The following ARAP1 variants were observed in gnomAD, a reference collection of about 807,000 sequenced individuals.
ARAP1 encodes arf-GAP with Rho-GAP domain, ANK repeat and PH domain-containing protein 1.
In ARAP1, 76 loss-of-function variants were observed where a neutral mutation model predicts 172.2. The ratio of observed to expected loss-of-function variants is 0.44; its 90% CI spans 0.37 to 0.53. ARAP1 has a LOEUF of 0.53. Ranked by LOEUF, ARAP1 falls within the 20% of genes least tolerant of loss-of-function variation. The pLI is 0.00. For missense variants in ARAP1, 1,686 were observed against 1,977.5 expected, an observed-to-expected ratio of 0.85 and a Z score of 2.80; for synonymous variants, 804 against 803.3, an observed-to-expected ratio of 1.00 and a Z score of -0.01.
intron 11 of ARAP1, among the ~76,000 whole-genome samples, chr11:72,709,565 C>T (rs531133578): frequency 1.6e-4 from 25 of 152,068 alleles, no homozygotes; most frequent in African/African-American, 5.6e-4. Context: ...CCAGGGGTGG[C>T]GTAGGCGCAG....
Position 72,697,636 on chromosome 11 carries a change from G to C in ARAP1, c.2751C>G (p.Asp917Glu). Reference sequence around the variant, plus strand: ...CCAGCACCAGCACCTGGTTCTCACTGTCCCCCTGGATGGCTGTGGAGGGGT... The same window carrying C: ...CCAGCACCAGCACCTGGTTCTCACTCTCCCCCTGGATGGCTGTGGAGGGGT... ...RKLQELSIQG[D>E]SENQVLVLVE... Residue 917 changes from aspartate to glutamate, a missense_variant, in exon 20 of 35, where the codon GAC (aspartate) becomes GAG (glutamate). Transcript: ENST00000393609. The C allele has an allele frequency of 6.2e-7, 1 of 1,614,116 alleles. No homozygotes were observed.
intron 30 of ARAP1, among the ~76,000 whole-genome samples, chr11:72,692,142 C>A (rs1224056673): frequency 6.6e-6 from 1 of 152,138 alleles, no homozygotes; most frequent in Admixed American, 6.5e-5. Flanking sequence ...ATGGGGGCAT[C>A]ATGAGATGCA....
At position 72,710,408 on chromosome 11, in the gene ARAP1, C is replaced by T. The variant is rs779841284; in HGVS notation, c.1393G>A (p.Val465Met). 1.2e-6 allele frequency: 2 copies of T among 1,614,022 alleles called. No individual in the cohort carries two copies. Among genetic ancestry groups the T allele is most frequent in the Non-Finnish European group, 8.5e-7 (1 of 1,179,964 alleles). Residue 465 changes from valine to methionine, a missense_variant, in exon 10 of 35, where the codon GTG (valine) becomes ATG (methionine). Val to Met is a conservative substitution (Grantham distance 21, BLOSUM62 1). Transcript: ENST00000393609. The surrounding 1 kb of genome is among the most constrained non-coding windows in gnomAD (Gnocchi z 4.3). ...ACCTCTAGATTCTTGTAGAGCTGCA[C>T]TTTGTCCCCGACCACGGCCACGTAC... is the stretch of plus-strand genomic sequence containing the variant. ...KLYVAVVGDK[V>M]QLYKNLEEYH...
At chr11:72,705,571 T>TC (rs1856719739) in intron 13 of ARAP1, 1 of 489,690 alleles carries the variant, frequency 2.0e-6, no homozygotes, top group South Asian at 3.6e-5. Context: ...CCTTTTTTTT[T>TC]CTTTAAAAAA....
chr11:72,722,696 C>T (rs1412751154), intron 3 of ARAP1, among the ~76,000 whole-genome samples: 1 of 152,212 alleles, frequency 6.6e-6, no homozygotes, highest in East Asian at 1.9e-4. Flanking sequence ...GGGCAGCTGC[C>T]TTCTGGGCAC....
At position 72,729,450 on chromosome 11, in the gene ARAP1, G is replaced by A. The variant is rs191451190; in HGVS notation, c.-44-2278C>T. Among the ~76,000 whole-genome samples, 49 of 152,058 alleles carry A rather than the reference G, an allele frequency of 3.2e-4. No homozygotes were observed. In the East Asian group the frequency reaches 6.4e-3, roughly 20 times the overall value. ...CTACTAAAAATACAAAAAATTAGCCGGGCATGGTGGCAAGCACCTGTAATC... is the reference window on the plus strand; with the variant it reads ...CTACTAAAAATACAAAAAATTAGCCAGGCATGGTGGCAAGCACCTGTAATC... On this transcript the variant is annotated intron_variant, in intron 2 of 34. Coordinates refer to ENST00000393609, the MANE Select transcript of ARAP1 (RefSeq NM_001040118.3).
At position 72,697,914 on chromosome 11, in the gene ARAP1, G is replaced by T; in HGVS notation, c.2734C>A (p.Leu912Ile). 1 of 1,598,856 alleles carries T rather than the reference G, an allele frequency of 6.3e-7. No individual in the cohort carries two copies. Among genetic ancestry groups the T allele is most frequent in the Non-Finnish European group, 8.5e-7 (1 of 1,171,428 alleles). Residue 912 changes from leucine (L) to isoleucine (I), a missense_variant, in exon 19 of 35, where the codon CTT becomes ATT. By Grantham distance (5) the Leu-to-Ile change is conservative (BLOSUM62 2). Coordinates refer to ENST00000393609, the MANE Select transcript of ARAP1 (RefSeq NM_001040118.3). ...GGCCCAGGTCTGGTCCACGCACAAAGCTCCTGCAGTTTCCGTAGTTGCAGC... is the reference window on the plus strand; with the variant it reads ...GGCCCAGGTCTGGTCCACGCACAAATCTCCTGCAGTTTCCGTAGTTGCAGC... Reference protein sequence around the residue: ...EPLQLRKLQELSIQGDSENQV... With the variant: ...EPLQLRKLQEISIQGDSENQV...
At chr11:72,718,409 T>C (rs1016312899) in intron 3 of ARAP1, among the ~76,000 whole-genome samples, 3 of 151,972 alleles carry the variant, frequency 2.0e-5, no homozygotes, top group African/African-American at 7.3e-5. Flanking sequence ...CCCACTGACT[T>C]GTCACCCACT....
chr11:72,704,536 G>T, intron 13 of ARAP1: 1 of 581,032 alleles, frequency 1.7e-6, no homozygotes, highest in Non-Finnish European at 3.0e-6. Flanking sequence ...CTGAGCCTAG[G>T]TCTCAGGCTC....
intron 1 of ARAP1, among the ~76,000 whole-genome samples, chr11:72,748,519 CA>C (rs34380924): frequency 1.4e-3 from 201 of 139,038 alleles, no homozygotes; most frequent in Middle Eastern, 3.7e-3. Context: ...GACTCCATCT[CA>C]AAAAAAAAAA....
At chr11:72,745,911 C>G (rs982670712) in intron 1 of ARAP1, among the ~76,000 whole-genome samples, 1 of 152,148 alleles carries the variant, frequency 6.6e-6, no homozygotes, top group Non-Finnish European at 1.5e-5. Context: ...CCAGACAGCA[C>G]GGGAAACAGC....
intron 1 of ARAP1, among the ~76,000 whole-genome samples, chr11:72,735,980 TA>T (rs1441460143): frequency 6.6e-6 from 1 of 152,026 alleles, no homozygotes; most frequent in African/African-American, 2.4e-5. Flanking sequence ...CAGGCTGAGG[TA>T]AGGGAAGGCT....
At position 72,695,976 on chromosome 11, in the gene ARAP1, T is replaced by C. The variant is rs765999547; in HGVS notation, c.3273-111A>G. On this transcript the variant is annotated intron_variant, in intron 23 of 34. Transcript: ENST00000393609. This position sits in a 1 kb window ranked among gnomAD's most constrained non-coding sequence, Gnocchi z 4.4. Reference sequence around the variant, plus strand: ...CTGGTCTGGTCAGAGGGGACCACTGTTTAACAGGGTAGGAACAGTTTTTCT... The same window carrying C: ...CTGGTCTGGTCAGAGGGGACCACTGCTTAACAGGGTAGGAACAGTTTTTCT... 9.1e-6 allele frequency: 12 copies of C among 1,324,840 alleles called. No homozygotes were observed. Among genetic ancestry groups the C allele is most frequent in the Non-Finnish European group, 1.1e-5 (11 of 990,878 alleles). 82.1% of individuals were successfully genotyped at this position (1,324,840 alleles called of 1,614,324 possible). A position where few individuals can be genotyped will look rare whatever the true frequency, so the allele number is the denominator to read the frequency against.
chr11:72,713,920 C>T lies in ARAP1; in HGVS notation c.679+232G>A, dbSNP rs534763016. The stretch of plus-strand genomic sequence containing the variant: ...TCAGACCATGGGTAACTGGCAAAGC[C>T]GGCCATGGCCCCACACTTAACGGTC... On this transcript the variant is annotated intron_variant, in intron 4 of 34. Coordinates refer to ENST00000393609, the MANE Select transcript of ARAP1 (RefSeq NM_001040118.3). 1.0e-3 allele frequency among the ~76,000 whole-genome samples: 158 copies of T among 152,010 alleles called. 1 individual carries two copies. The highest frequency in any genetic ancestry group is 3.7e-3 in the African/African-American group (152 of 41,480).
At chr11:72,738,601 C>T (rs1490519160) in intron 1 of ARAP1, among the ~76,000 whole-genome samples, 1 of 152,118 alleles carries the variant, frequency 6.6e-6, no homozygotes, top group Non-Finnish European at 1.5e-5. Flanking sequence ...ATCCCCTACC[C>T]TGGGCCCAGC....
chr11:72,745,355 A>ATTTT (rs35656290), intron 1 of ARAP1, among the ~76,000 whole-genome samples: 4 of 110,746 alleles, frequency 3.6e-5, no homozygotes, highest in Non-Finnish European at 5.4e-5. Flanking sequence ...CGTCCGGCTA[A>ATTTT]TTTTTTTTTT....
intron 1 of ARAP1, among the ~76,000 whole-genome samples, chr11:72,751,041 TAGG>T (rs940309075): frequency 5.3e-5 from 8 of 152,090 alleles, no homozygotes; most frequent in African/African-American, 1.9e-4. Flanking sequence ...TGGGGTTGAG[TAGG>T]AGGCTTGAAT....
Position 72,713,246 on chromosome 11 carries a change from G to A in ARAP1, c.680-3C>T. On this transcript the variant is annotated splice_region_variant and splice_polypyrimidine_tract_variant and intron_variant, in intron 4 of 34. Coordinates refer to ENST00000393609, the MANE Select transcript of ARAP1 (RefSeq NM_001040118.3). ...GACCTCATCGTAGTCAGAGTCATCT[G>A]GTGAGAGAGGGGTTGGGGGGCCTCA... is the stretch of plus-strand genomic sequence containing the variant. The A allele has an allele frequency of 6.2e-7, 1 of 1,613,954 alleles. No homozygotes were observed. The highest frequency in any genetic ancestry group is 8.5e-7 in the Non-Finnish European group (1 of 1,179,878).
At chr11:72,733,806 C>T (rs1473078803) in intron 1 of ARAP1, among the ~76,000 whole-genome samples, 1 of 152,168 alleles carries the variant, frequency 6.6e-6, no homozygotes, top group Non-Finnish European at 1.5e-5. Context: ...AACAGGTATA[C>T]ATTTTTTAAA....
Sources: allele counts gnomAD v4.1 joint callset (sites outside exome capture counted in the v4.1 genomes callset), GRCh38; gene constraint gnomAD v4.1.1; non-coding constraint Gnocchi (gnomAD v3.1); transcripts MANE v1.5; gene names NCBI Gene and HGNC (gene_info 2026-07-23, HGNC 2026-07-21).